COPS3: variants seen among roughly 807,000 people sequenced by gnomAD.
COPS3 encodes COP9 signalosome complex subunit 3.
A neutral mutation model predicts 58.2 loss-of-function variants in COPS3; 10 were observed. That is an observed-to-expected ratio of 0.17 (90% CI 0.11 to 0.29). COPS3 has a LOEUF of 0.29. Among genes scored for constraint, COPS3 ranks in the 10% least tolerant of loss-of-function variants. COPS3 has a pLI of 1.00. For missense variants in COPS3, 333 were observed against 510.1 expected, an observed-to-expected ratio of 0.65 and a Z score of 3.34; for synonymous variants, 187 against 181.7, an observed-to-expected ratio of 1.03 and a Z score of -0.24.
chr17:17,253,859 T>C (rs1204355338), intron 9 of COPS3, among the ~76,000 whole-genome samples: 3 of 152,158 alleles, frequency 2.0e-5, no homozygotes, highest in South Asian at 2.1e-4. Flanking sequence ...TATGTAAATA[T>C]AGCCGCCTGT....
chr17:17,280,306 G>C (rs1476593710), intron 1 of COPS3, among the ~76,000 whole-genome samples: 3 of 152,068 alleles, frequency 2.0e-5, no homozygotes, highest in African/African-American at 7.2e-5. Context: ...GGGAGGCTGA[G>C]ACAGGAGAAT....
chr17:17,258,445 T>A (rs979532856), intron 8 of COPS3, among the ~76,000 whole-genome samples: 6 of 152,252 alleles, frequency 3.9e-5, no homozygotes, highest in Admixed American at 3.3e-4. Flanking sequence ...ATTACAGGTA[T>A]GTGCCACCAC....
chr17:17,260,666 G>C (rs1269571768), intron 7 of COPS3, 192 bp from the exon 8 acceptor site: 1 of 459,486 alleles, frequency 2.2e-6, no homozygotes, highest in East Asian at 4.0e-5. Context: ...AACTGAGCGT[G>C]ATAGCACATG....
intron 8 of COPS3, among the ~76,000 whole-genome samples, chr17:17,255,485 C>CAAAAAAGAAAA (rs1734995214): frequency 7.7e-6 from 1 of 129,034 alleles, no homozygotes; most frequent in African/African-American, 3.1e-5. Context: ...GACTCTATTT[C>CAAAAAAGAAAA]AAAAAAAAAA....
intron 9 of COPS3, among the ~76,000 whole-genome samples, chr17:17,250,814 G>C (rs2047827033): frequency 6.6e-6 from 1 of 152,156 alleles, no homozygotes; most frequent in Non-Finnish European, 1.5e-5. Flanking sequence ...GCTATTTAGT[G>C]AAACAGTAAC....
At chr17:17,271,716 C>T (rs938368623) in intron 2 of COPS3, among the ~76,000 whole-genome samples, 1 of 149,870 alleles carries the variant, frequency 6.7e-6, no homozygotes, top group Non-Finnish European at 1.5e-5. Flanking sequence ...ACCCCAGCTA[C>T]TCGGGAGGCT....
chr17:17,280,822 T>A, intron 1 of COPS3: 1 of 1,244,918 alleles, frequency 8.0e-7, no homozygotes, highest in African/African-American at 1.6e-5. Flanking sequence ...CCGAGATGGC[T>A]CCTGGCGGAA....
At chr17:17,253,928 T>A (rs1370098470) in intron 9 of COPS3, among the ~76,000 whole-genome samples, 1 of 151,338 alleles carries the variant, frequency 6.6e-6, no homozygotes, top group East Asian at 1.9e-4. Flanking sequence ...GAGGTGGGGG[T>A]TGCAGTGAGC....
intron 7 of COPS3, chr17:17,261,458 A>C (rs1170701907): frequency 4.5e-6 from 1 of 222,890 alleles, no homozygotes; most frequent in Non-Finnish European, 8.8e-6. Context: ...CCCGGGAGGC[A>C]GAGGTTGCAG....
chr17:17,253,901 G>C (rs893405549), intron 9 of COPS3, among the ~76,000 whole-genome samples: 3 of 152,172 alleles, frequency 2.0e-5, no homozygotes, highest in Non-Finnish European at 2.9e-5. Flanking sequence ...TGAGACAGGA[G>C]AATTGTTTGA....
chr17:17,249,468 T>C (rs1411052515), intron 9 of COPS3, among the ~76,000 whole-genome samples: 1 of 149,940 alleles, frequency 6.7e-6, no homozygotes, highest in African/African-American at 2.5e-5. Context: ...GGATTACAGG[T>C]GCCCGCCACC....
At chr17:17,255,081 C>A (rs2047937962) in intron 8 of COPS3, 136 bp from the exon 9 acceptor site, 1 of 591,770 alleles carries the variant, frequency 1.7e-6, no homozygotes, top group Non-Finnish European at 3.0e-6. Context: ...GTGGGCAGAT[C>A]ATGAGGCCAG....
chr17:17,255,822 G>C lies in COPS3; in HGVS notation c.937-877C>G, dbSNP rs182430319. ...GTGATTCACTCCAGCCTGGGCAACA[G>C]AGTGAGACTCCATCTCAAAATAAAT... On this transcript the variant is annotated intron_variant, in intron 8 of 11. Coordinates refer to ENST00000268717, the MANE Select transcript of COPS3 (RefSeq NM_003653.4). Among the ~76,000 whole-genome samples the C allele has an allele frequency of 5.5e-3, 776 of 140,372 alleles. 7 individuals carry two copies. Among genetic ancestry groups the C allele is most frequent in the African/African-American group, 0.021 (730 of 35,152 alleles). 92.1% of individuals were successfully genotyped at this position (140,372 alleles called of 152,430 possible).
Position 17,261,526 on chromosome 17 carries a change from CTAAATAAA to C in COPS3, c.762+432_762+439del, listed in dbSNP as rs56073511. 3.4e-5 allele frequency: 10 copies of C among 293,782 alleles called. 1 individual carries two copies. The highest frequency in any genetic ancestry group is 4.8e-5 in the Admixed American group (1 of 20,904). The allele number at this position is 293,782 out of a possible 1,614,324, so 18.2% of individuals were successfully genotyped here. A position where few individuals can be genotyped will look rare whatever the true frequency, so the allele number is the denominator to read the frequency against. On this transcript the variant is annotated intron_variant, in intron 7 of 11. Transcript: ENST00000268717. ...TGGTGACAAGAGCAAAACTCCATTT[CTAAATAAA>C]TAAATAAATAAATAAAATGAAAAAT...
chr17:17,250,431 T>C (rs2047818620), intron 9 of COPS3, among the ~76,000 whole-genome samples: 1 of 152,034 alleles, frequency 6.6e-6, no homozygotes, highest in Admixed American at 6.6e-5. Flanking sequence ...ATTTTTTTTA[T>C]TTTTAGTAGA....
intron 1 of COPS3, 148 bp downstream of exon 1, chr17:17,280,984 C>A: frequency 1.0e-6 from 1 of 1,000,490 alleles, no homozygotes; most frequent in Non-Finnish European, 1.4e-6. Flanking sequence ...TCGATCCTGC[C>A]CTGATCTAAA....
intron 9 of COPS3, among the ~76,000 whole-genome samples, chr17:17,253,134 G>C (rs1450051833): frequency 1.3e-5 from 2 of 152,200 alleles, no homozygotes; most frequent in African/African-American, 4.8e-5. Context: ...GCTGAGGTGA[G>C]AGGATCATTT....
intron 8 of COPS3, 69 bp downstream of exon 8, chr17:17,260,232 A>T: frequency 6.9e-7 from 1 of 1,459,636 alleles, no homozygotes; most frequent in African/African-American, 1.4e-5. Flanking sequence ...AGCTCTGAAA[A>T]GGGAGAGAAA....
rs2047932734 is a variant in COPS3 at position 17,254,898 on chromosome 17, C to T, written c.984G>A (p.Leu328=). ...ATTTCTCTGCCTCCTGAGGTCCAGA[C>T]AACTGCACACGACTTGCCATATCTT... ...SLQDMASRVQ[L]SGPQEAEKYV... is the part of the protein sequence containing the mutation. Residue 328 remains leucine, a synonymous_variant, in exon 9 of 12, where the codon TTG becomes TTA. Transcript: ENST00000268717. The T allele has an allele frequency of 1.9e-6, 3 of 1,612,232 alleles. No individual in the cohort carries two copies. The highest frequency in any genetic ancestry group is 2.7e-5 in the African/African-American group (2 of 74,602).
Sources: gnomAD v4.1 joint callset for allele counts (sites outside exome capture counted in the v4.1 genomes callset) on GRCh38, gnomAD v4.1.1 for gene constraint, MANE v1.5 for transcripts, NCBI Gene and HGNC (gene_info 2026-07-23, HGNC 2026-07-21) for gene names.